PCDHA9: variants seen among roughly 807,000 people sequenced by gnomAD.
PCDHA9 encodes the protein protocadherin alpha 9, also known as protocadherin alpha-9.
In PCDHA9, 62 loss-of-function variants were observed where a neutral mutation model predicts 62.0. That is an observed-to-expected ratio of 1.00 (90% CI 0.81 to 1.23). The LOEUF (loss-of-function observed/expected upper bound fraction) is 1.23. PCDHA9 is among the 50% of genes most tolerant of loss of function. PCDHA9 has a pLI of 0.00. For synonymous variants in PCDHA9, 557 were observed against 567.6 expected, an observed-to-expected ratio of 0.98 and a Z score of 0.27; for missense variants, 1,205 against 1,249.8, an observed-to-expected ratio of 0.96 and a Z score of 0.54.
chr5:140,879,390 A>T (rs2057972127), intron 1 of PCDHA9, among the ~76,000 whole-genome samples: 1 of 152,202 alleles, frequency 6.6e-6, no homozygotes, highest in Admixed American at 6.5e-5. Context: ...TTGGAGAAAC[A>T]GTTTGTGTGT....
intron 1 of PCDHA9, chr5:140,871,446 A>C (rs1554165605): frequency 6.2e-7 from 1 of 1,610,058 alleles, no homozygotes; most frequent in Non-Finnish European, 8.5e-7. Context: ...GTCTGAATAA[A>C]GAGGAGGAAG....
In PCDHA9 at chr5:140,971,075, T is replaced by C. The variant is rs560795307; in HGVS notation, c.2395-7874T>C. 1.4e-4 allele frequency among the ~76,000 whole-genome samples: 22 copies of C among 152,322 alleles called. No homozygotes were observed. The South Asian group carries it at 3.7e-3, about 26-fold the overall frequency. ...CTTTAAATAAGGTTGCTGTAGACAT[T>C]TGCTTAACAAATTCTTGTGAAGCCC... is the stretch of plus-strand genomic sequence containing the variant. On this transcript the variant is annotated intron_variant, in intron 1 of 3. Transcript: ENST00000532602.
At chr5:140,890,356 T>C (rs139351817) in intron 1 of PCDHA9, among the ~76,000 whole-genome samples, 50 of 152,308 alleles carry the variant, frequency 3.3e-4, no homozygotes, top group African/African-American at 1.2e-3. Context: ...TATATAGCAA[T>C]GGATAACCTG....
chr5:140,870,397 C>T (rs1554164199), intron 1 of PCDHA9: 2 of 1,614,230 alleles, frequency 1.2e-6, no homozygotes, highest in South Asian at 1.1e-5. Flanking sequence ...TGGGGGTTCG[C>T]CTTCTCTGTG....
chr5:140,926,919 A>G, intron 1 of PCDHA9: 9 of 1,566,668 alleles, frequency 5.7e-6, no homozygotes, highest in Non-Finnish European at 7.8e-6. Flanking sequence ...TGGCAGTTTT[A>G]TGTTTGTGGG....
At chr5:140,899,753 T>G (rs2067532965) in intron 1 of PCDHA9, among the ~76,000 whole-genome samples, 1 of 152,244 alleles carries the variant, frequency 6.6e-6, no homozygotes, top group African/African-American at 2.4e-5. Flanking sequence ...TCAGAAGGAA[T>G]GGTACCAGTT....
intron 1 of PCDHA9, chr5:140,875,303 C>T (rs2055408923): frequency 2.1e-6 from 3 of 1,414,848 alleles, no homozygotes; most frequent in Admixed American, 2.9e-5. Context: ...TTTTTCTCCG[C>T]ACCCACATTC....
At position 140,927,644 on chromosome 5, in the gene PCDHA9, T is replaced by C. The variant is rs370145398; in HGVS notation, c.2395-51305T>C. On this transcript the variant is annotated intron_variant, in intron 1 of 3. Coordinates refer to ENST00000532602, the MANE Select transcript of PCDHA9 (RefSeq NM_031857.2). The stretch of plus-strand genomic sequence containing the variant: ...CCAGAGACTGCACCCAATGGGACTG[T>C]GTTATTCCGAGTTCAAGCCTTGGAT... The C allele has an allele frequency of 4.6e-5, 74 of 1,614,028 alleles. 1 individual carries two copies. Among genetic ancestry groups the C allele is most frequent in the Non-Finnish European group, 5.8e-5 (68 of 1,180,020 alleles).
intron 1 of PCDHA9, among the ~76,000 whole-genome samples, chr5:140,908,919 G>T (rs781892541): frequency 1.3e-5 from 2 of 152,158 alleles, no homozygotes; most frequent in Non-Finnish European, 2.9e-5. Context: ...TGTAGGAGGG[G>T]CCAAATGCAG....
At chr5:140,883,912 C>A in intron 1 of PCDHA9, 1 of 1,613,300 alleles carries the variant, frequency 6.2e-7, no homozygotes, top group South Asian at 1.1e-5. Context: ...TGGGCAGCAA[C>A]GTGACGCTGC....
rs782671966 is a variant in PCDHA9 at position 140,857,602 on chromosome 5, G to T, written c.2394+6713G>T. ...ACGCGGAGAGCGGCAAGGTGTACGCGCTGCAGCCGCTGGACCACGAGGAGC... is the reference window on the plus strand; with the variant it reads ...ACGCGGAGAGCGGCAAGGTGTACGCTCTGCAGCCGCTGGACCACGAGGAGC... On this transcript the variant is annotated intron_variant, in intron 1 of 3. Coordinates refer to ENST00000532602, the MANE Select transcript of PCDHA9 (RefSeq NM_031857.2). 17 of 1,596,266 alleles carry T rather than the reference G, an allele frequency of 1.1e-5. 1 individual carries two copies. Among genetic ancestry groups the T allele is most frequent in the Non-Finnish European group, 1.5e-5 (17 of 1,167,710 alleles).
At chr5:140,944,839 G>C (rs1449491788) in intron 1 of PCDHA9, among the ~76,000 whole-genome samples, 3 of 152,130 alleles carry the variant, frequency 2.0e-5, no homozygotes, top group African/African-American at 7.2e-5. Flanking sequence ...TGTAAAATGA[G>C]ATATTAGAAT....
intron 1 of PCDHA9, among the ~76,000 whole-genome samples, chr5:140,880,233 T>A (rs1040125802): frequency 6.6e-6 from 1 of 152,046 alleles, no homozygotes; most frequent in African/African-American, 2.4e-5. Flanking sequence ...TTTAAATTAG[T>A]GTATGTGCGT....
chr5:140,927,643 G>A lies in PCDHA9; in HGVS notation c.2395-51306G>A. On this transcript the variant is annotated intron_variant, in intron 1 of 3. Coordinates refer to ENST00000532602, the MANE Select transcript of PCDHA9 (RefSeq NM_031857.2). The stretch of plus-strand genomic sequence containing the variant: ...TCCAGAGACTGCACCCAATGGGACT[G>A]TGTTATTCCGAGTTCAAGCCTTGGA... The A allele has an allele frequency of 3.7e-6, 6 of 1,614,170 alleles. No homozygotes were observed. Among genetic ancestry groups the A allele is most frequent in the South Asian group, 1.1e-5 (1 of 91,088 alleles).
At chr5:140,862,356 A>G in intron 1 of PCDHA9, 1 of 338,010 alleles carries the variant, frequency 3.0e-6, no homozygotes, top group Non-Finnish European at 5.8e-6. Context: ...GCCAAGGGAC[A>G]GACGACCCGC....
chr5:140,877,730 A>G (rs782465464), intron 1 of PCDHA9: 1 of 1,614,146 alleles, frequency 6.2e-7, no homozygotes, highest in Non-Finnish European at 8.5e-7. Flanking sequence ...TACTCGCAGC[A>G]GAGGAGGCAG....
At chr5:140,990,541 A>T (rs868916666) in intron 3 of PCDHA9, among the ~76,000 whole-genome samples, 1 of 152,210 alleles carries the variant, frequency 6.6e-6, no homozygotes, top group Admixed American at 6.5e-5. Context: ...CATCATAGAT[A>T]CTGTATTACC....
At chr5:140,973,107 G>A (rs2096572271) in intron 1 of PCDHA9, among the ~76,000 whole-genome samples, 1 of 152,192 alleles carries the variant, frequency 6.6e-6, no homozygotes, top group South Asian at 2.1e-4. Flanking sequence ...TTATGAAAGA[G>A]TAGCAGAGAT....
intron 1 of PCDHA9, among the ~76,000 whole-genome samples, chr5:140,955,267 T>C (rs1189039296): frequency 6.6e-6 from 1 of 152,140 alleles, no homozygotes; most frequent in Non-Finnish European, 1.5e-5. Context: ...AGGCTCTTTT[T>C]TGGTTCCATA....
Sources: gnomAD v4.1 joint callset for allele counts (sites outside exome capture counted in the v4.1 genomes callset) on GRCh38, gnomAD v4.1.1 for gene constraint, MANE v1.5 for transcripts, NCBI Gene and HGNC (gene_info 2026-07-23, HGNC 2026-07-21) for gene names.